Variants in ARHGEF3 observed in about 807,000 individuals in gnomAD.
The protein encoded by ARHGEF3 is Rho guanine nucleotide exchange factor 3, also known as 59.8 kDA protein.
In ARHGEF3, 28 loss-of-function variants were observed where a neutral mutation model predicts 63.2. The observed-to-expected ratio is 0.44, with a 90% CI of 0.33 to 0.61. The LOEUF is 0.61. Ranked by LOEUF, ARHGEF3 falls within the 20% of genes least tolerant of loss-of-function variation. The pLI, the probability that ARHGEF3 is intolerant of heterozygous loss-of-function variation, is 0.03. For synonymous variants in ARHGEF3, 266 were observed against 254.2 expected, an observed-to-expected ratio of 1.05 and a Z score of -0.44; for missense variants, 533 against 659.3, an observed-to-expected ratio of 0.81 and a Z score of 2.10.
chr3:56,927,235 G>C (rs979370581), intron 3 of ARHGEF3, among the ~76,000 whole-genome samples: 1 of 152,194 alleles, frequency 6.6e-6, no homozygotes, highest in Non-Finnish European at 1.5e-5. Flanking sequence ...AGTCAAATAT[G>C]TATCATTGAG....
intron 3 of ARHGEF3, among the ~76,000 whole-genome samples, chr3:56,895,904 G>C (rs1231971117): frequency 1.3e-5 from 2 of 152,172 alleles, no homozygotes; most frequent in Non-Finnish European, 2.9e-5. Flanking sequence ...GTTTTGTTTG[G>C]AAGAGAGCTA....
At chr3:56,981,308 C>A (rs1184212333) in intron 2 of ARHGEF3, among the ~76,000 whole-genome samples, 2 of 152,212 alleles carry the variant, frequency 1.3e-5, no homozygotes, top group African/African-American at 4.8e-5. Flanking sequence ...CAGGGTAAAT[C>A]TTTCTTAATG....
At chr3:56,980,492 TGGGTCG>T (rs1251716769) in intron 2 of ARHGEF3, among the ~76,000 whole-genome samples, 1 of 152,226 alleles carries the variant, frequency 6.6e-6, no homozygotes, top group Non-Finnish European at 1.5e-5. Context: ...CGACTCATTG[TGGGTCG>T]GGACCATATA....
At chr3:56,746,667 T>C (rs1002985915) in intron 6 of ARHGEF3, among the ~76,000 whole-genome samples, 2 of 151,864 alleles carry the variant, frequency 1.3e-5, no homozygotes, top group African/African-American at 4.8e-5. Context: ...GAGGCAGAGG[T>C]TGCAGTGAGC....
At chr3:56,984,150 A>C (rs6809587) in intron 2 of ARHGEF3, among the ~76,000 whole-genome samples, 118,063 of 151,986 alleles carry the variant, frequency 0.78, 46,728 homozygotes, top group Middle Eastern at 0.86. Context: ...GAGCTTACAC[A>C]ACCACTGAGC....
chr3:56,912,336 G>A (rs1016798513), intron 3 of ARHGEF3, among the ~76,000 whole-genome samples: 1 of 152,110 alleles, frequency 6.6e-6, no homozygotes. Context: ...CACCAAAATG[G>A]GATAACTTAC....
intron 3 of ARHGEF3, among the ~76,000 whole-genome samples, chr3:56,898,794 C>T (rs912075271): frequency 2.7e-4 from 41 of 152,206 alleles, no homozygotes; most frequent in African/African-American, 8.4e-4. Flanking sequence ...TGGTGGCTTA[C>T]GCCTGTAATC....
intron 4 of ARHGEF3, among the ~76,000 whole-genome samples, chr3:56,871,083 C>T (rs1024113869): frequency 2.0e-5 from 3 of 152,048 alleles, no homozygotes; most frequent in Non-Finnish European, 2.9e-5. Context: ...GATTATTACA[C>T]CTAAGGAGGT....
At chr3:56,979,193 A>G (rs1280059229) in intron 2 of ARHGEF3, among the ~76,000 whole-genome samples, 2 of 152,216 alleles carry the variant, frequency 1.3e-5, no homozygotes, top group Non-Finnish European at 2.9e-5. Context: ...TACATATCCA[A>G]TAAGGTAGCA....
chr3:56,967,923 A>T (rs1417592456), intron 2 of ARHGEF3, among the ~76,000 whole-genome samples: 4 of 70,990 alleles, frequency 5.6e-5, no homozygotes, highest in African/African-American at 2.2e-4. Context: ...ATAATATATT[A>T]TATATAATAT....
chr3:56,807,193 C>G (rs936716224), intron 4 of ARHGEF3, among the ~76,000 whole-genome samples: 1 of 152,058 alleles, frequency 6.6e-6, no homozygotes, highest in East Asian at 1.9e-4. Context: ...GCCTGAGTTC[C>G]TTTTTCTTTA....
chr3:56,738,584 C>T (rs1217027525), intron 7 of ARHGEF3, among the ~76,000 whole-genome samples: 1 of 152,126 alleles, frequency 6.6e-6, no homozygotes, highest in Admixed American at 6.5e-5. Context: ...TACACTCACA[C>T]CCAGGATCTA....
rs2034972805 is a variant in ARHGEF3 at position 56,754,853 on chromosome 3, C to T, written c.375+128G>A. 3 of 1,285,310 alleles carry T rather than the reference C, an allele frequency of 2.3e-6. No individual in the cohort carries two copies. In the East Asian group the frequency reaches 7.4e-5, roughly 32 times the overall value. The allele number at this position is 1,285,310 out of a possible 1,614,324, so 79.6% of individuals were successfully genotyped here. A position where few individuals can be genotyped will look rare whatever the true frequency, so the allele number is the denominator to read the frequency against. On this transcript the variant is annotated intron_variant, in intron 3 of 9. Transcript: ENST00000296315. ...AGTTCCTTCCCCAAGGTCAGACACT[C>T]TTGTTTATCCTTCTGCAAACGCAAT...
intron 2 of ARHGEF3, among the ~76,000 whole-genome samples, chr3:56,757,455 C>T (rs571785392): frequency 2.0e-5 from 3 of 150,868 alleles, no homozygotes; most frequent in Admixed American, 1.3e-4. Context: ...GTCTGGGCGA[C>T]AAGAGTGAGA....
At position 56,729,054 on chromosome 3, in the gene ARHGEF3, A is replaced by G; in HGVS notation, c.*216T>C. On this transcript the variant is annotated 3_prime_UTR_variant, in exon 10 of 10. Transcript: ENST00000296315. ...CTCCATCCATCCAGACACTTGGGAA[A>G]TACAACACAGGGTAATAGTTGCCAC... The G allele has an allele frequency of 3.9e-6, 2 of 509,548 alleles. No individual in the cohort carries two copies. Among genetic ancestry groups the G allele is most frequent in the South Asian group, 6.5e-5 (2 of 30,898 alleles). The allele number at this position is 509,548 out of a possible 1,614,324, so 31.6% of individuals were successfully genotyped here.
At chr3:57,002,500 A>ATTATATATATATATATGT (rs1553802546) in intron 2 of ARHGEF3, among the ~76,000 whole-genome samples, 1 of 60,126 alleles carries the variant, frequency 1.7e-5, no homozygotes. Flanking sequence ...TATATATGTT[A>ATTATATATATATATATGT]TATATATATA....
At chr3:56,779,045 C>G (rs954125914) in intron 1 of ARHGEF3, among the ~76,000 whole-genome samples, 1 of 152,108 alleles carries the variant, frequency 6.6e-6, no homozygotes, top group Non-Finnish European at 1.5e-5. Flanking sequence ...AGGCACTGCA[C>G]TCTCCCACAG....
intron 2 of ARHGEF3, among the ~76,000 whole-genome samples, chr3:56,986,801 C>G (rs1239215933): frequency 9.2e-6 from 1 of 108,112 alleles, no homozygotes; most frequent in African/African-American, 3.1e-5. Context: ...TAAACGCATG[C>G]GAATTTTGAA....
At chr3:56,745,723 G>A (rs1021801965) in intron 6 of ARHGEF3, among the ~76,000 whole-genome samples, 4 of 151,952 alleles carry the variant, frequency 2.6e-5, no homozygotes, top group Non-Finnish European at 5.9e-5. Flanking sequence ...CCAGGCTGGT[G>A]TGCAATGGCA....
Sources: gnomAD v4.1 joint callset for allele counts (sites outside exome capture counted in the v4.1 genomes callset) on GRCh38, gnomAD v4.1.1 for gene constraint, MANE v1.5 for transcripts, NCBI Gene and HGNC (gene_info 2026-07-23, HGNC 2026-07-21) for gene names.